RYR3: variants seen among roughly 807,000 people sequenced by gnomAD.
RYR3 encodes ryanodine receptor 3.
Under a neutral mutation model 584.3 loss-of-function variants are expected in RYR3, and 207 were observed. The observed-to-expected ratio is 0.35, with a 90% CI of 0.32 to 0.40. The LOEUF (loss-of-function observed/expected upper bound fraction) is 0.40. RYR3 is among the 10% of genes least tolerant of loss of function. RYR3 has a pLI of 1.00. For synonymous variants in RYR3, 2,416 were observed against 2,248.5 expected, an observed-to-expected ratio of 1.07 and a Z score of -2.11; for missense variants, 5,616 against 6,089.2, an observed-to-expected ratio of 0.92 and a Z score of 2.59.
chr15:33,730,010 G>A (rs1188769802), intron 47 of RYR3, among the ~76,000 whole-genome samples: 2 of 151,934 alleles, frequency 1.3e-5, no homozygotes, highest in African/African-American at 4.8e-5. Flanking sequence ...TGGTATATAT[G>A]ACAGTATTAG....
chr15:33,418,720 C>A (rs1230405766), intron 1 of RYR3, among the ~76,000 whole-genome samples: 1 of 152,058 alleles, frequency 6.6e-6, no homozygotes, highest in Non-Finnish European at 1.5e-5. Flanking sequence ...AGATAGACAT[C>A]CCAGAAAAAC....
intron 1 of RYR3, among the ~76,000 whole-genome samples, chr15:33,383,453 A>G (rs1001825593): frequency 3.9e-5 from 6 of 151,976 alleles, no homozygotes; most frequent in African/African-American, 1.4e-4. Flanking sequence ...TCTGGATTTC[A>G]TAATAGCATG....
chr15:33,738,311 C>G, intron 49 of RYR3, 139 bp from the exon 50 acceptor site: 3 of 849,848 alleles, frequency 3.5e-6, no homozygotes, highest in Non-Finnish European at 3.6e-6. Context: ...TGAAGGGCCT[C>G]TTTGTAGACA....
At position 33,699,795 on chromosome 15, in the gene RYR3, A is replaced by G; in HGVS notation, c.6341A>G (p.His2114Arg). 1 of 1,613,924 alleles carries G rather than the reference A, an allele frequency of 6.2e-7. No individual in the cohort carries two copies. The highest frequency in any genetic ancestry group is 8.5e-7 in the Non-Finnish European group (1 of 1,179,842). The change falls in exon 41 of 104, where the codon CAT becomes CGT. Residue 2114 changes from histidine to arginine, a missense_variant. Coordinates refer to ENST00000634891, the MANE Select transcript of RYR3 (RefSeq NM_001036.6). ...SRQNQKAMFE[H>R]LSYLLENSSV... is the part of the protein sequence containing the mutation. The stretch of plus-strand genomic sequence containing the variant: ...CAAAATCAGAAGGCCATGTTTGAGC[A>G]TCTGAGTTATCTTCTGGAGAATAGC...
intron 39 of RYR3, 119 bp from the exon 40 acceptor site, chr15:33,697,763 T>G: frequency 1.5e-6 from 1 of 648,376 alleles, no homozygotes; most frequent in Non-Finnish European, 2.8e-6. Flanking sequence ...CTTATTATCT[T>G]TTCAGCCTGT....
chr15:33,474,477 C>T (rs1284796134), intron 2 of RYR3, among the ~76,000 whole-genome samples: 1 of 152,160 alleles, frequency 6.6e-6, no homozygotes, highest in Non-Finnish European at 1.5e-5. Flanking sequence ...GTTCTGAAGG[C>T]CTTCATCTGA....
intron 85 of RYR3, among the ~76,000 whole-genome samples, chr15:33,828,567 G>A (rs887256177): frequency 7.2e-5 from 11 of 152,156 alleles, no homozygotes; most frequent in African/African-American, 2.2e-4. Context: ...GGGACAGTGC[G>A]AGTGGTCTGG....
rs1299490406 is a variant in RYR3 at position 33,865,386 on chromosome 15, G to A, written c.*160G>A. 1.7e-6 allele frequency: 1 copy of A among 604,320 alleles called. No individual in the cohort carries two copies. The highest frequency in any genetic ancestry group is 2.9e-6 in the Non-Finnish European group (1 of 344,888). The allele number at this position is 604,320 out of a possible 1,614,324, so 37.4% of individuals were successfully genotyped here. A position where few individuals can be genotyped will look rare whatever the true frequency, so the allele number is the denominator to read the frequency against. On this transcript the variant is annotated 3_prime_UTR_variant, in exon 104 of 104. Transcript: ENST00000634891. ...TCTGTGCTATTTTGAAATTGATTTGGCTTTTTGTGCCTAATGGACATACAC... is the reference window on the plus strand; with the variant it reads ...TCTGTGCTATTTTGAAATTGATTTGACTTTTTGTGCCTAATGGACATACAC...
At chr15:33,647,024 A>C (rs956996925) in intron 29 of RYR3, among the ~76,000 whole-genome samples, 3 of 152,080 alleles carry the variant, frequency 2.0e-5, no homozygotes, top group African/African-American at 7.2e-5. Flanking sequence ...TCTATTTTTA[A>C]TCATTGATGT....
intron 67 of RYR3, among the ~76,000 whole-genome samples, chr15:33,795,394 TTTTTTTTTG>T (rs961020583): frequency 2.5e-5 from 2 of 79,386 alleles, no homozygotes; most frequent in African/African-American, 7.6e-5. Context: ...TTTTTTTTTT[TTTTTTTTTG>T]TGAGACAGAG....
Position 33,866,093 on chromosome 15 carries a change from C to A in RYR3, c.*867C>A, listed in dbSNP as rs139087790. 2.2e-4 allele frequency: 34 copies of A among 158,050 alleles called. No individual in the cohort carries two copies. The highest frequency in any genetic ancestry group is 4.1e-4 in the Non-Finnish European group (29 of 71,124). The allele number at this position is 158,050 out of a possible 1,614,324, so 9.8% of individuals were successfully genotyped here. On this transcript the variant is annotated 3_prime_UTR_variant, in exon 104 of 104. Coordinates refer to ENST00000634891, the MANE Select transcript of RYR3 (RefSeq NM_001036.6). Reference sequence around the variant, plus strand: ...AAGTGCCCACTGCAATAAAGTAATACGTACCAATACCTCCAGGGTCTGGAC... The same window carrying A: ...AAGTGCCCACTGCAATAAAGTAATAAGTACCAATACCTCCAGGGTCTGGAC...
intron 86 of RYR3, among the ~76,000 whole-genome samples, chr15:33,833,006 A>C (rs1482883220): frequency 2.4e-5 from 3 of 125,596 alleles, no homozygotes; most frequent in Non-Finnish European, 3.6e-5. Flanking sequence ...CTGTCTCAAA[A>C]AAAAAAAAAA....
chr15:33,864,585 G>T (rs1889792240), intron 103 of RYR3, among the ~76,000 whole-genome samples: 1 of 151,354 alleles, frequency 6.6e-6, no homozygotes, highest in African/African-American at 2.4e-5. Flanking sequence ...CAGGAGCCTG[G>T]AGGTGTGCAT....
rs368430766 is a variant in RYR3 at position 33,810,489 on chromosome 15, A to G, written c.10037A>G (p.Gln3346Arg). 5.2e-5 allele frequency: 84 copies of G among 1,613,908 alleles called. No individual in the cohort carries two copies. Among genetic ancestry groups the G allele is most frequent in the Middle Eastern group, 4.9e-4 (3 of 6,084 alleles). Reference sequence around the variant, plus strand: ...AACATCATCTCCTAGTCTGGAGGACAAGACCAGGAGCGGAAGAAGACAAAG... The same window carrying G: ...AACATCATCTCCTAGTCTGGAGGACGAGACCAGGAGCGGAAGAAGACAAAG... ...SKAMQVKSGG[Q>R]DQERKKTKRR... The change falls in exon 71 of 104, where the codon CAA becomes CGA. Residue 3346 changes from glutamine to arginine, a missense_variant. Physicochemically the swap from Gln to Arg is conservative, Grantham distance 43. Around this residue, in one of 9 missense-constraint regions of RYR3, gnomAD observed 954 missense variants for 1,132.2 expected, o/e 0.84. Coordinates refer to ENST00000634891, the MANE Select transcript of RYR3 (RefSeq NM_001036.6).
At chr15:33,338,453 CACAG>C (rs1239556945) in intron 1 of RYR3, among the ~76,000 whole-genome samples, 1 of 152,136 alleles carries the variant, frequency 6.6e-6, no homozygotes, top group Non-Finnish European at 1.5e-5. Flanking sequence ...CATAAGAGAA[CACAG>C]ACAAAACGGG....
chr15:33,838,844 A>G lies in RYR3; in HGVS notation c.12864A>G (p.Lys4288=). 3 of 1,614,042 alleles carry G rather than the reference A, an allele frequency of 1.9e-6. No homozygotes were observed. Among genetic ancestry groups the G allele is most frequent in the Non-Finnish European group, 2.5e-6 (3 of 1,179,880 alleles). ...MSDLFGLHPK[K]EGSLKHGPEV... ...ACCTCTTTGGACTCCACCCAAAGAA[A>G]GAGGGCAGCTTAAAGCATGGGCCTG... Residue 4288 remains lysine, a synonymous_variant, in exon 89 of 104, where the codon AAA becomes AAG. Transcript: ENST00000634891.
At chr15:33,607,649 A>G (rs1216848322) in intron 18 of RYR3, among the ~76,000 whole-genome samples, 1 of 152,232 alleles carries the variant, frequency 6.6e-6, no homozygotes, top group East Asian at 1.9e-4. Context: ...ACTGTCTTTG[A>G]ATAAAGAAAG....
chr15:33,546,877 A>G (rs1305888646), intron 8 of RYR3, among the ~76,000 whole-genome samples: 1 of 152,212 alleles, frequency 6.6e-6, no homozygotes, highest in East Asian at 1.9e-4. Flanking sequence ...CTAAATCAGG[A>G]TTCCTCTTGG....
intron 100 of RYR3, 84 bp downstream of exon 100, chr15:33,859,815 T>C: frequency 7.4e-7 from 1 of 1,353,526 alleles, no homozygotes; most frequent in Non-Finnish European, 1.0e-6. Context: ...AATTGGTTTA[T>C]GAAGAAGCGT....
Sources: allele counts gnomAD v4.1 joint callset (sites outside exome capture counted in the v4.1 genomes callset), GRCh38; gene constraint gnomAD v4.1.1; regional missense constraint gnomAD v4.1.1; transcripts MANE v1.5; gene names NCBI Gene and HGNC (gene_info 2026-07-23, HGNC 2026-07-21).